SFXN5: variants seen among roughly 807,000 people sequenced by gnomAD.
The protein encoded by SFXN5 is sideroflexin-5.
Under a neutral mutation model 50.2 loss-of-function variants are expected in SFXN5, and 43 were observed. The observed-to-expected ratio is 0.86, with a 90% CI of 0.67 to 1.11. The LOEUF (loss-of-function observed/expected upper bound fraction) is 1.11. Ranked by LOEUF, SFXN5 falls within the 50% of genes least tolerant of loss-of-function variation. The pLI is 0.00. For missense variants in SFXN5, 463 were observed against 454.1 expected (o/e 1.02, Z -0.18); for synonymous variants, 203 against 185.8 (o/e 1.09, Z -0.75).
At chr2:72,970,685 T>C (rs949286534) in intron 11 of SFXN5, among the ~76,000 whole-genome samples, 2 of 150,114 alleles carry the variant, frequency 1.3e-5, no homozygotes, top group South Asian at 2.1e-4. Context: ...CATGGACTCA[T>C]GGACTGCGTT....
At chr2:73,058,438 C>A in intron 2 of SFXN5, 90 bp downstream of exon 2, 1 of 1,255,174 alleles carries the variant, frequency 8.0e-7, no homozygotes, top group Non-Finnish European at 1.2e-6. Flanking sequence ...TCTTCACTCC[C>A]CCATCCTCAC....
Position 73,031,036 on chromosome 2 carries a change from A to T in SFXN5, c.250-7822T>A, listed in dbSNP as rs1237713899. Reference sequence around the variant, plus strand: ...AAAAATTAAAGGTAACCACTAGAAAAAGATAATAGAAGATGCACAAATTCC... The same window carrying T: ...AAAAATTAAAGGTAACCACTAGAAATAGATAATAGAAGATGCACAAATTCC... On this transcript the variant is annotated intron_variant, in intron 3 of 13. Coordinates refer to ENST00000272433, the MANE Select transcript of SFXN5 (RefSeq NM_144579.3). Among the ~76,000 whole-genome samples, 15 of 152,052 alleles carry T rather than the reference A, an allele frequency of 9.9e-5. No homozygotes were observed. The South Asian group carries it at 2.3e-3, about 23-fold the overall frequency.
chr2:72,990,058 G>A (rs1383837114), intron 9 of SFXN5, among the ~76,000 whole-genome samples: 2 of 152,258 alleles, frequency 1.3e-5, no homozygotes, highest in Non-Finnish European at 2.9e-5. Flanking sequence ...TGCCGCTGTT[G>A]GGGCAGGGTG....
At chr2:72,984,628 C>T (rs1671682691) in intron 10 of SFXN5, among the ~76,000 whole-genome samples, 1 of 152,184 alleles carries the variant, frequency 6.6e-6, no homozygotes, top group Admixed American at 6.5e-5. Context: ...CCTCCCAGCA[C>T]AGAATGAGGA....
At chr2:73,035,493 CTTT>C (rs761321478) in intron 3 of SFXN5, among the ~76,000 whole-genome samples, 3 of 101,840 alleles carry the variant, frequency 2.9e-5, no homozygotes, top group Non-Finnish European at 3.6e-5. Flanking sequence ...GTATCGCAAT[CTTT>C]TTTTTTTTTT....
chr2:72,951,144 C>T (rs998623608), intron 13 of SFXN5, among the ~76,000 whole-genome samples: 5 of 152,138 alleles, frequency 3.3e-5, no homozygotes, highest in African/African-American at 1.2e-4. Context: ...AAGTGGGCTG[C>T]CAGGATCACC....
chr2:73,001,496 A>G (rs1673905757), intron 7 of SFXN5, 29 bp downstream of exon 7: 9 of 1,613,566 alleles, frequency 5.6e-6, no homozygotes, highest in South Asian at 3.3e-5. Flanking sequence ...CCCTTCCTTC[A>G]GGAGCCCTGT....
chr2:72,967,828 G>A lies in SFXN5; in HGVS notation c.827+620C>T, dbSNP rs142294863. Among the ~76,000 whole-genome samples, 73 of 152,194 alleles carry A rather than the reference G, an allele frequency of 4.8e-4. 1 individual carries two copies. Among genetic ancestry groups the A allele is most frequent in the African/African-American group, 6.3e-4 (26 of 41,518 alleles). On this transcript the variant is annotated intron_variant, in intron 12 of 13. Transcript: ENST00000272433. ...TTTCCTTCCAGCGGAGTTTCAGTCC[G>A]CCCCTTCAGTTTCGCACTCATTCAT...
intron 1 of SFXN5, among the ~76,000 whole-genome samples, chr2:73,061,860 A>G (rs1682833172): frequency 6.6e-6 from 1 of 152,196 alleles, no homozygotes; most frequent in Non-Finnish European, 1.5e-5. Context: ...TTGCTCCTAT[A>G]ATCCCAGCTA....
chr2:73,031,861 T>C (rs950924548), intron 3 of SFXN5, among the ~76,000 whole-genome samples: 8 of 152,162 alleles, frequency 5.3e-5, no homozygotes, highest in African/African-American at 1.9e-4. Context: ...CTTGGACTTG[T>C]ATTATTTTTA....
At chr2:72,998,227 T>C (rs1056903303) in intron 9 of SFXN5, 1 of 151,922 alleles carries the variant, frequency 6.6e-6, no homozygotes, top group African/African-American at 2.4e-5. Flanking sequence ...CAGACGTAGG[T>C]ACAGGGGCGG....
rs568621723 is a variant in SFXN5, at chr2:72,950,219, G to A, written c.946-5120C>T. Among the ~76,000 whole-genome samples, 2 of 152,260 alleles carry A rather than the reference G, an allele frequency of 1.3e-5. No homozygotes were observed. The highest frequency in any genetic ancestry group is 6.5e-5 in the Admixed American group (1 of 15,302). ...TGGGGGACCAGCCCGAGGAGCGAACGTAATGACAGAGGGTGCCACAAACAC... is the reference window on the plus strand; with the variant it reads ...TGGGGGACCAGCCCGAGGAGCGAACATAATGACAGAGGGTGCCACAAACAC... On this transcript the variant is annotated intron_variant, in intron 13 of 13. Transcript: ENST00000272433. This position sits in a 1 kb window ranked among gnomAD's most constrained non-coding sequence, Gnocchi z 4.2.
intron 3 of SFXN5, among the ~76,000 whole-genome samples, chr2:73,030,080 A>G (rs1342955073): frequency 1.3e-5 from 2 of 152,052 alleles, no homozygotes; most frequent in East Asian, 1.9e-4. Context: ...TCAAAATAAA[A>G]CAAAACAAAC....
rs140756251 is a variant in SFXN5 at position 72,956,663 on chromosome 2, A to G, written c.945+4468T>C. ...TGGTAAACAAGGAATATTGATACCTACCTTGGAGAATTCTCAGGATCCAGG... is the reference window on the plus strand; with the variant it reads ...TGGTAAACAAGGAATATTGATACCTGCCTTGGAGAATTCTCAGGATCCAGG... On this transcript the variant is annotated intron_variant, in intron 13 of 13. Coordinates refer to ENST00000272433, the MANE Select transcript of SFXN5 (RefSeq NM_144579.3). 3.2e-3 allele frequency among the ~76,000 whole-genome samples: 491 copies of G among 152,152 alleles called. 1 individual carries two copies. Among genetic ancestry groups the G allele is most frequent in the African/African-American group, 0.011 (468 of 41,482 alleles).
chr2:72,947,794 C>T (rs922832798), intron 13 of SFXN5, among the ~76,000 whole-genome samples: 1 of 152,090 alleles, frequency 6.6e-6, no homozygotes, highest in African/African-American at 2.4e-5. Context: ...TTCGCCACTC[C>T]GTCTTCTCAA....
chr2:72,986,453 A>G (rs1221450153), intron 10 of SFXN5, among the ~76,000 whole-genome samples: 1 of 152,086 alleles, frequency 6.6e-6, no homozygotes, highest in East Asian at 1.9e-4. Flanking sequence ...AGGGCCCTGT[A>G]GATGACGATC....
At chr2:73,047,344 CATATATATGT>C (rs1680632281) in intron 2 of SFXN5, among the ~76,000 whole-genome samples, 1 of 100,258 alleles carries the variant, frequency 1.0e-5, no homozygotes, top group Non-Finnish European at 2.0e-5. Flanking sequence ...TATATATGTA[CATATATATGT>C]GTATATATGT....
chr2:73,004,560 AG>A (rs956431191), intron 6 of SFXN5, among the ~76,000 whole-genome samples: 1 of 152,060 alleles, frequency 6.6e-6, no homozygotes, highest in Non-Finnish European at 1.5e-5. Context: ...GAGTGAGCCG[AG>A]GGGGCGCCGA....
At chr2:72,982,263 G>C (rs2105526525) in intron 10 of SFXN5, among the ~76,000 whole-genome samples, 1 of 152,014 alleles carries the variant, frequency 6.6e-6, no homozygotes, top group East Asian at 1.9e-4. Context: ...CTGGAAAGGG[G>C]TGGGCCCATT....
Sources: allele counts gnomAD v4.1 joint callset (sites outside exome capture counted in the v4.1 genomes callset), GRCh38; gene constraint gnomAD v4.1.1; non-coding constraint Gnocchi (gnomAD v3.1); transcripts MANE v1.5; gene names NCBI Gene and HGNC (gene_info 2026-07-23, HGNC 2026-07-21).